Variants in PRSS12 observed in about 807,000 individuals in gnomAD.
The protein encoded by PRSS12 is serine protease 12, also known as neurotrypsin.
Under a neutral mutation model 104.4 loss-of-function variants are expected in PRSS12, and 85 were observed. That is an observed-to-expected ratio of 0.81 (90% CI 0.68 to 0.98). PRSS12 has a LOEUF of 0.98. Ranked by LOEUF, PRSS12 falls within the 50% of genes least tolerant of loss-of-function variation. The pLI, the probability that PRSS12 is intolerant of heterozygous loss-of-function variation, is 0.00. For synonymous variants in PRSS12, 454 were observed against 425.2 expected, an observed-to-expected ratio of 1.07 and a Z score of -0.83; for missense variants, 1,141 against 1,139.2, an observed-to-expected ratio of 1.00 and a Z score of -0.02.
chr4:118,316,837 A>AAAAATATGTAT (rs35698159), intron 5 of PRSS12, among the ~76,000 whole-genome samples: 1 of 99,194 alleles, frequency 1.0e-5, no homozygotes, highest in Non-Finnish European at 2.0e-5. Flanking sequence ...AAAAAAAAAA[A>AAAAATATGTAT]ATATATATAT....
intron 1 of PRSS12, among the ~76,000 whole-genome samples, chr4:118,345,471 A>G (rs796678480): frequency 1.3e-5 from 2 of 152,274 alleles, no homozygotes; most frequent in African/African-American, 4.8e-5. Flanking sequence ...TATAATGCCT[A>G]TTTACTATGC....
At position 118,282,111 on chromosome 4, in the gene PRSS12, A is replaced by G. The variant is rs1742889055; in HGVS notation, c.2453T>C (p.Val818Ala). Residue 818 changes from valine to alanine, a missense_variant, in exon 13 of 13, where the codon GTG becomes GCG. Val to Ala is a moderately conservative substitution (Grantham distance 64). Transcript: ENST00000296498. Reference sequence around the variant, plus strand: ...TCCGCTGTCTCCCTGGCAGCTGTCCACGCGTTTGTGTTCATGGAGGTTTCC... The same window carrying G: ...TCCGCTGTCTCCCTGGCAGCTGTCCGCGCGTTTGTGTTCATGGAGGTTTCC... ...CAGNLHEHKR[V>A]DSCQGDSGGP... 6.2e-7 allele frequency: 1 copy of G among 1,614,158 alleles called. No homozygotes were observed.
chr4:118,337,498 TGTC>T (rs1368961704), intron 2 of PRSS12, among the ~76,000 whole-genome samples: 1 of 152,190 alleles, frequency 6.6e-6, no homozygotes, highest in Non-Finnish European at 1.5e-5. Flanking sequence ...TACACTGACT[TGTC>T]GTAAAGACAG....
At chr4:118,312,784 G>C (rs1743780862) in intron 7 of PRSS12, among the ~76,000 whole-genome samples, 1 of 151,974 alleles carries the variant, frequency 6.6e-6, no homozygotes, top group Non-Finnish European at 1.5e-5. Flanking sequence ...CAGGACTAGA[G>C]AAGAAATGAA....
intron 6 of PRSS12, among the ~76,000 whole-genome samples, chr4:118,315,329 T>G (rs566729106): frequency 2.6e-5 from 4 of 152,128 alleles, no homozygotes; most frequent in Non-Finnish European, 5.9e-5. Flanking sequence ...GTTTTTTATT[T>G]TCATCATTTT....
chr4:118,334,674 G>A (rs931311536), intron 3 of PRSS12, among the ~76,000 whole-genome samples: 2 of 152,148 alleles, frequency 1.3e-5, no homozygotes, highest in South Asian at 2.1e-4. Context: ...TTTGTGGTAG[G>A]AGCTTCCTTA....
chr4:118,323,181 A>T (rs1723678207), intron 4 of PRSS12, among the ~76,000 whole-genome samples: 1 of 152,078 alleles, frequency 6.6e-6, no homozygotes, highest in Non-Finnish European at 1.5e-5. Flanking sequence ...CTTAGAGAAC[A>T]CTGAGAGTTG....
chr4:118,302,426 T>G (rs896639978), intron 8 of PRSS12, among the ~76,000 whole-genome samples: 2 of 152,210 alleles, frequency 1.3e-5, no homozygotes, highest in African/African-American at 4.8e-5. Flanking sequence ...CAACAATTCA[T>G]GTAATTCAGA....
intron 7 of PRSS12, 123 bp from the exon 8 acceptor site, chr4:118,308,700 T>C: frequency 1.5e-6 from 2 of 1,347,348 alleles, no homozygotes; most frequent in Non-Finnish European, 2.1e-6. Context: ...GGAAATACTT[T>C]TTTGAGAGAG....
chr4:118,352,058 C>A (rs1041656140), intron 1 of PRSS12, among the ~76,000 whole-genome samples, 161 bp downstream of exon 1: 3 of 152,134 alleles, frequency 2.0e-5, no homozygotes, highest in Non-Finnish European at 4.4e-5. Context: ...ACCAGTATAC[C>A]TTACTGGTAA....
chr4:118,329,081 C>T (rs753349553), intron 4 of PRSS12, among the ~76,000 whole-genome samples: 19 of 152,064 alleles, frequency 1.2e-4, no homozygotes, highest in Non-Finnish European at 2.2e-4. Flanking sequence ...TGTGAGCCAC[C>T]GTGCCCAGCC....
At chr4:118,301,492 T>C (rs1743405366) in intron 8 of PRSS12, among the ~76,000 whole-genome samples, 1 of 152,196 alleles carries the variant, frequency 6.6e-6, no homozygotes, top group Admixed American at 6.5e-5. Context: ...TCAGATGAAT[T>C]TGGAAGTCAA....
chr4:118,289,307 G>A (rs970128870), intron 11 of PRSS12, among the ~76,000 whole-genome samples: 1 of 152,154 alleles, frequency 6.6e-6, no homozygotes, highest in African/African-American at 2.4e-5. Context: ...GGCTGGTCAA[G>A]AACATTGGCC....
Position 118,318,536 on chromosome 4 carries a change from T to C in PRSS12, c.992A>G (p.His331Arg). ...LGLSGIAKAW[H>R]QAYFGEGSGP... ...AGACCCTTCCCCAAAATATGCCTGA[T>C]GCCATGCTTTGGCAATGCCACTGAA... is the stretch of plus-strand genomic sequence containing the variant. Residue 331 changes from histidine to arginine, a missense_variant, in exon 5 of 13, where the codon CAT becomes CGT. Physicochemically the swap from His to Arg is conservative, Grantham distance 29. Transcript: ENST00000296498. 1.9e-6 allele frequency: 3 copies of C among 1,614,126 alleles called. No individual in the cohort carries two copies. Among genetic ancestry groups the C allele is most frequent in the Non-Finnish European group, 2.5e-6 (3 of 1,179,998 alleles).
intron 1 of PRSS12, among the ~76,000 whole-genome samples, chr4:118,351,455 C>T (rs895814866): frequency 6.6e-6 from 1 of 152,106 alleles, no homozygotes; most frequent in Non-Finnish European, 1.5e-5. Context: ...GCTTTTATTA[C>T]CACAAACCTA....
intron 4 of PRSS12, among the ~76,000 whole-genome samples, chr4:118,319,987 T>C (rs762585055): frequency 4.6e-4 from 70 of 152,246 alleles, no homozygotes; most frequent in Middle Eastern, 6.8e-3. Flanking sequence ...GCCAAGTCTA[T>C]TTCTAACAAA....
chr4:118,334,162 G>T (rs1406197362), intron 3 of PRSS12, among the ~76,000 whole-genome samples: 1 of 152,080 alleles, frequency 6.6e-6, no homozygotes, highest in South Asian at 2.1e-4. Context: ...TACCACGAGA[G>T]AATCTTTTTA....
intron 6 of PRSS12, among the ~76,000 whole-genome samples, chr4:118,315,781 G>A (rs1202125417): frequency 6.6e-6 from 1 of 152,196 alleles, no homozygotes; most frequent in Non-Finnish European, 1.5e-5. Context: ...TTCTGAGAAA[G>A]GGAATAATGT....
At chr4:118,300,919 C>T (rs34958556) in intron 8 of PRSS12, among the ~76,000 whole-genome samples, 9,178 of 151,874 alleles carry the variant, frequency 0.06, 384 homozygotes, top group Non-Finnish European at 0.091. Flanking sequence ...TTCATTGTTG[C>T]GCATGTGTTT....
Sources: gnomAD v4.1 joint callset for allele counts (sites outside exome capture counted in the v4.1 genomes callset) on GRCh38, gnomAD v4.1.1 for gene constraint, MANE v1.5 for transcripts, NCBI Gene and HGNC (gene_info 2026-07-23, HGNC 2026-07-21) for gene names.